PXT1: variants seen among roughly 807,000 people sequenced by gnomAD.
The protein encoded by PXT1 is peroxisomal testis-specific protein 1.
In PXT1, 11 loss-of-function variants were observed where a neutral mutation model predicts 11.0. That is an observed-to-expected ratio of 1.00 (90% CI 0.63 to 1.66). The LOEUF (loss-of-function observed/expected upper bound fraction) is 1.66, where lower values mean the gene tolerates loss of function less well. Ranked by LOEUF, PXT1 falls within the 40% of genes most tolerant of loss-of-function variation. The probability of loss-of-function intolerance (pLI) is 0.00; values close to 1 mark genes in which losing one functional copy is unlikely to be tolerated. For missense variants in PXT1, 141 were observed against 155.5 expected (o/e 0.91, Z 0.49); for synonymous variants, 43 against 51.4 (o/e 0.84, Z 0.70).
At chr6:36,401,967 T>C (rs1774221196) in intron 3 of PXT1, among the ~76,000 whole-genome samples, 1 of 148,860 alleles carries the variant, frequency 6.7e-6, no homozygotes, top group Admixed American at 6.7e-5. Context: ...CATATATATA[T>C]ATATATGTAT....
Position 36,426,083 on chromosome 6 carries a change from G to GT in PXT1, c.-2dup, listed in dbSNP as rs1774601701. ...CAATGCCATCATGTTTTTTCTTCAT[G>GT]TTTTTTCCCTGTTGAAAAACATATT... is the stretch of plus-strand genomic sequence containing the variant. On this transcript the variant is annotated 5_prime_UTR_variant, in exon 3 of 5. Transcript: ENST00000454782. 1.3e-6 allele frequency: 2 copies of GT among 1,498,284 alleles called. No individual in the cohort carries two copies. Among genetic ancestry groups the GT allele is most frequent in the Non-Finnish European group, 1.8e-6 (2 of 1,128,278 alleles). The allele number at this position is 1,498,284 out of a possible 1,614,324, so 92.8% of individuals were successfully genotyped here. A position where few individuals can be genotyped will look rare whatever the true frequency, so the allele number is the denominator to read the frequency against.
At chr6:36,413,426 AAG>A (rs1280409841) in intron 3 of PXT1, among the ~76,000 whole-genome samples, 30 of 48,022 alleles carry the variant, frequency 6.2e-4, no homozygotes, top group Non-Finnish European at 1.2e-3. Context: ...CAAAAAAAAT[AAG>A]AAAGAAAGAA....
At chr6:36,430,200 C>T (rs1356035881) in intron 2 of PXT1, among the ~76,000 whole-genome samples, 1 of 151,302 alleles carries the variant, frequency 6.6e-6, no homozygotes, top group African/African-American at 2.4e-5. Flanking sequence ...GAGCGACACT[C>T]CATCTCAAAA....
At chr6:36,440,520 C>A (rs1414603030) in intron 1 of PXT1, among the ~76,000 whole-genome samples, 2 of 150,792 alleles carry the variant, frequency 1.3e-5, no homozygotes, top group African/African-American at 2.4e-5. Context: ...TCCAGAAGAT[C>A]GAGGCTGCAG....
At chr6:36,430,490 C>T (rs1315279473) in intron 2 of PXT1, among the ~76,000 whole-genome samples, 2 of 152,220 alleles carry the variant, frequency 1.3e-5, no homozygotes, top group East Asian at 3.9e-4. Flanking sequence ...GCCAGATTCA[C>T]AGAAAGAAAT....
Position 36,391,721 on chromosome 6 carries a change from A to G in PXT1, c.*49T>C. ...TGTCCCAGTGGGATTCATGTTTCTC[A>G]GAGGGTAAAAAGAAAACAGAACTTG... On this transcript the variant is annotated 3_prime_UTR_variant, in exon 5 of 5. Coordinates refer to ENST00000454782, the MANE Select transcript of PXT1 (RefSeq NM_152990.4). 8.2e-7 allele frequency: 1 copy of G among 1,223,366 alleles called. No individual in the cohort carries two copies. Among genetic ancestry groups the G allele is most frequent in the East Asian group, 2.3e-5 (1 of 43,124 alleles). 75.8% of individuals were successfully genotyped at this position (1,223,366 alleles called of 1,614,324 possible). A position where few individuals can be genotyped will look rare whatever the true frequency, so the allele number is the denominator to read the frequency against.
intron 3 of PXT1, among the ~76,000 whole-genome samples, chr6:36,425,018 G>A (rs1774583403): frequency 6.6e-6 from 1 of 152,162 alleles, no homozygotes; most frequent in Non-Finnish European, 1.5e-5. Flanking sequence ...ATATTAGGTT[G>A]AAGTTAATGT....
chr6:36,392,887 C>T (rs779933414), intron 4 of PXT1, among the ~76,000 whole-genome samples: 8 of 152,108 alleles, frequency 5.3e-5, no homozygotes, highest in Non-Finnish European at 1.0e-4. Flanking sequence ...CAGTGCCCTC[C>T]GATGGCACCA....
At chr6:36,423,928 C>G (rs1010934754) in intron 3 of PXT1, among the ~76,000 whole-genome samples, 3 of 152,210 alleles carry the variant, frequency 2.0e-5, no homozygotes, top group African/African-American at 7.2e-5. Flanking sequence ...TGAAAACAAG[C>G]ATGTACGTTA....
chr6:36,410,468 A>G, intron 3 of PXT1, among the ~76,000 whole-genome samples: 1 of 150,668 alleles, frequency 6.6e-6, no homozygotes, highest in Non-Finnish European at 1.5e-5. Flanking sequence ...GGAAGGAAGG[A>G]AATGGGAGGA....
At chr6:36,424,408 G>T (rs1774571893) in intron 3 of PXT1, among the ~76,000 whole-genome samples, 1 of 152,174 alleles carries the variant, frequency 6.6e-6, no homozygotes, top group Non-Finnish European at 1.5e-5. Flanking sequence ...TTGGGAGACC[G>T]AGGCGGGCAG....
Position 36,391,796 on chromosome 6 carries a change from A to T in PXT1, c.379T>A (p.Phe127Ile). The change falls in exon 5 of 5, where the codon TTT becomes ATT. Residue 127 changes from phenylalanine to isoleucine, a missense_variant. Physicochemically the swap from Phe to Ile is conservative, Grantham distance 21. Transcript: ENST00000454782. ...TACAGCAAATGGTTGTTCCAGAAAA[A>T]ATGCAGCAACACCTGAACTCTTCTA... Reference protein sequence around the residue: ...FFRRVQVLLHFFWNNHLL With the variant: ...FFRRVQVLLHIFWNNHLL 6.2e-7 allele frequency: 1 copy of T among 1,613,580 alleles called. No individual in the cohort carries two copies. Among genetic ancestry groups the T allele is most frequent in the East Asian group, 2.2e-5 (1 of 44,884 alleles).
At chr6:36,439,467 G>T (rs1300288409) in intron 1 of PXT1, among the ~76,000 whole-genome samples, 1 of 151,566 alleles carries the variant, frequency 6.6e-6, no homozygotes, top group Non-Finnish European at 1.5e-5. Flanking sequence ...AAAAAAATTA[G>T]CTGGGCATAA....
At chr6:36,439,277 C>T (rs753720128) in intron 1 of PXT1, among the ~76,000 whole-genome samples, 1 of 151,350 alleles carries the variant, frequency 6.6e-6, no homozygotes, top group Non-Finnish European at 1.5e-5. Flanking sequence ...GGATTACAGG[C>T]GTCCGGCCTA....
At chr6:36,437,613 A>C (rs1774785702) in intron 2 of PXT1, among the ~76,000 whole-genome samples, 1 of 147,386 alleles carries the variant, frequency 6.8e-6, no homozygotes. Context: ...TCCTGGGTTC[A>C]TGCCATTCTC....
intron 2 of PXT1, among the ~76,000 whole-genome samples, 188 bp downstream of exon 2, chr6:36,438,579 C>A (rs1373613925): frequency 6.6e-6 from 1 of 152,186 alleles, no homozygotes; most frequent in African/African-American, 2.4e-5. Flanking sequence ...CCTGCCACCA[C>A]GCCCGGCTAA....
chr6:36,405,209 T>A (rs1774270974), intron 3 of PXT1, among the ~76,000 whole-genome samples: 1 of 152,184 alleles, frequency 6.6e-6, no homozygotes, highest in South Asian at 2.1e-4. Flanking sequence ...CATAAAAAAA[T>A]TTTAATAGAA....
chr6:36,392,769 CAG>C (rs1307615121), intron 4 of PXT1, among the ~76,000 whole-genome samples: 8 of 152,088 alleles, frequency 5.3e-5, no homozygotes, highest in Non-Finnish European at 1.5e-5. Flanking sequence ...GTCGGAACAT[CAG>C]AAAAAGAAGA....
intron 1 of PXT1, among the ~76,000 whole-genome samples, chr6:36,442,061 A>G (rs1774879700): frequency 6.7e-6 from 1 of 149,948 alleles, no homozygotes; most frequent in Non-Finnish European, 1.5e-5. Flanking sequence ...TAATTAGTAT[A>G]TATAGACATA....
Sources: allele counts gnomAD v4.1 joint callset (sites outside exome capture counted in the v4.1 genomes callset), GRCh38; gene constraint gnomAD v4.1.1; transcripts MANE v1.5; gene names NCBI Gene and HGNC (gene_info 2026-07-23, HGNC 2026-07-21).